YIPF1: variants seen among roughly 807,000 people sequenced by gnomAD.
The protein encoded by YIPF1 is Yip1 domain family member 1.
Under a neutral mutation model 37.0 loss-of-function variants are expected in YIPF1, and 22 were observed. The ratio of observed to expected loss-of-function variants is 0.59; its 90% CI spans 0.42 to 0.85. The LOEUF (loss-of-function observed/expected upper bound fraction) is 0.85. Ranked by LOEUF, YIPF1 falls within the 40% of genes least tolerant of loss-of-function variation. The pLI, the probability that YIPF1 is intolerant of heterozygous loss-of-function variation, is 0.00. For missense variants in YIPF1, 355 were observed against 373.1 expected, an observed-to-expected ratio of 0.95 and a Z score of 0.40; for synonymous variants, 128 against 131.9, an observed-to-expected ratio of 0.97 and a Z score of 0.21.
rs1650394013 is a variant in YIPF1 at position 53,878,475 on chromosome 1, A to T, written c.277-73T>A. ...TAAATTCAACTACTACAAAATTGAA[A>T]CTCAGTCATTAGAGCTTTTATGATA... is the stretch of plus-strand genomic sequence containing the variant. On this transcript the variant is annotated intron_variant, in intron 5 of 10. Transcript: ENST00000072644. The T allele has an allele frequency of 4.5e-6, 7 of 1,542,516 alleles. No individual in the cohort carries two copies. The South Asian group carries it at 8.0e-5, about 18-fold the overall frequency.
chr1:53,856,745 T>C (rs17109454), intron 10 of YIPF1, among the ~76,000 whole-genome samples: 20,354 of 152,184 alleles, frequency 0.13, 1,512 homozygotes, highest in South Asian at 0.25. Context: ...ATAGTTCCTA[T>C]ATGGATTGAC....
chr1:53,863,016 T>C (rs1048257793), intron 9 of YIPF1, among the ~76,000 whole-genome samples: 2 of 152,084 alleles, frequency 1.3e-5, no homozygotes, highest in African/African-American at 4.8e-5. Context: ...CCAGGCATGA[T>C]GGGCCCCTGG....
intron 7 of YIPF1, among the ~76,000 whole-genome samples, chr1:53,867,600 G>A (rs904669332): frequency 3.9e-5 from 6 of 152,000 alleles, no homozygotes; most frequent in Non-Finnish European, 8.8e-5. Flanking sequence ...TCCTGACCTC[G>A]TGATCCGCCC....
chr1:53,874,082 C>A (rs1650269706), intron 6 of YIPF1, among the ~76,000 whole-genome samples: 1 of 152,182 alleles, frequency 6.6e-6, no homozygotes, highest in African/African-American at 2.4e-5. Context: ...GCATTTTTGT[C>A]CCTCTCCTAT....
chr1:53,878,124 T>A (rs1187610728), intron 6 of YIPF1, among the ~76,000 whole-genome samples, 191 bp downstream of exon 6: 1 of 152,238 alleles, frequency 6.6e-6, no homozygotes, highest in Non-Finnish European at 1.5e-5. Flanking sequence ...CTTGTAATGA[T>A]GACGTGGCAC....
At chr1:53,887,378 C>A (rs190984735) in intron 3 of YIPF1, among the ~76,000 whole-genome samples, 3 of 152,052 alleles carry the variant, frequency 2.0e-5, no homozygotes, top group East Asian at 3.9e-4. Context: ...CTGCGCCCAG[C>A]CTGGCTTTTT....
rs570591037 is a variant in YIPF1 at position 53,871,382 on chromosome 1, T to C, written c.471A>G (p.Glu157=). The part of the protein sequence containing the change: ...LGEKTYHYVP[E]FRKVSIAATI... ...AAGCTATTCACCAACCTTTTCGGAATTCGGGCACATAATGGTACGTCTTCT... is the reference window on the plus strand; with the variant it reads ...AAGCTATTCACCAACCTTTTCGGAACTCGGGCACATAATGGTACGTCTTCT... The change falls in exon 7 of 11, where the codon GAA becomes GAG. Residue 157 remains glutamate, a synonymous_variant. Transcript: ENST00000072644. 17 of 1,613,436 alleles carry C rather than the reference T, an allele frequency of 1.1e-5. No homozygotes were observed. The highest frequency in any genetic ancestry group is 6.7e-5 in the African/African-American group (5 of 75,006).
intron 6 of YIPF1, among the ~76,000 whole-genome samples, chr1:53,871,752 G>T (rs1226259344): frequency 1.2e-4 from 19 of 152,110 alleles, no homozygotes; most frequent in Non-Finnish European, 1.8e-4. Context: ...TGAAGACACT[G>T]ATTTCTGTAT....
intron 10 of YIPF1, among the ~76,000 whole-genome samples, chr1:53,855,676 G>T (rs980476136): frequency 1.3e-5 from 2 of 152,206 alleles, no homozygotes; most frequent in African/African-American, 2.4e-5. Flanking sequence ...ACACAGGTTT[G>T]TAGCCTAGGA....
intron 6 of YIPF1, among the ~76,000 whole-genome samples, chr1:53,872,258 C>T (rs1302390142): frequency 6.6e-6 from 1 of 152,134 alleles, no homozygotes; most frequent in Non-Finnish European, 1.5e-5. Context: ...TAAGCAGTTT[C>T]TGATGAAACC....
chr1:53,881,687 A>T (rs1424524212), intron 4 of YIPF1, among the ~76,000 whole-genome samples: 2 of 152,242 alleles, frequency 1.3e-5, no homozygotes, highest in Non-Finnish European at 2.9e-5. Flanking sequence ...CAGAATGGTG[A>T]TTATTAAAAA....
chr1:53,876,603 T>C (rs907248439), intron 6 of YIPF1, among the ~76,000 whole-genome samples: 1 of 152,188 alleles, frequency 6.6e-6, no homozygotes, highest in Admixed American at 6.5e-5. Flanking sequence ...CAGTATAGCA[T>C]AGTGATGAAG....
chr1:53,881,194 C>T (rs1397651203), intron 4 of YIPF1, among the ~76,000 whole-genome samples: 3 of 137,350 alleles, frequency 2.2e-5, no homozygotes, highest in Non-Finnish European at 3.0e-5. Context: ...ACCCAGGAGG[C>T]GGAGGTTGCA....
chr1:53,871,012 CAAAA>C lies in YIPF1; in HGVS notation c.481+356_481+359del, dbSNP rs57949076. On this transcript the variant is annotated intron_variant, in intron 7 of 10. Coordinates refer to ENST00000072644, the MANE Select transcript of YIPF1 (RefSeq NM_018982.5). ...TGGGTGACAGAGCGAGTCACTGTCT[CAAAA>C]AAAAAAAAAAAAAAAAAAAAGGAAT... Among the ~76,000 whole-genome samples, 563 of 65,248 alleles carry C rather than the reference CAAAA, an allele frequency of 8.6e-3. 2 individuals are homozygous for C. Among genetic ancestry groups the C allele is most frequent in the African/African-American group, 0.032 (544 of 17,172 alleles). The allele number at this position is 65,248 out of a possible 152,430, so 42.8% of individuals were successfully genotyped here. A position where few individuals can be genotyped will look rare whatever the true frequency, so the allele number is the denominator to read the frequency against.
chr1:53,871,466 C>A lies in YIPF1; in HGVS notation c.387G>T (p.Thr129=). Reference sequence around the variant, plus strand: ...CACTAATTGCTATGGCAAAGACCAACGTGGCACATATCCAAAAGGGGCCTG... The same window carrying A: ...CACTAATTGCTATGGCAAAGACCAAAGTGGCACATATCCAAAAGGGGCCTG... The part of the protein sequence containing the change: ...DLYGPFWICA[T]LVFAIAISGN... The change falls in exon 7 of 11, where the codon ACG becomes ACT. Residue 129 remains threonine, a synonymous_variant. Transcript: ENST00000072644. The A allele has an allele frequency of 1.2e-6, 2 of 1,613,884 alleles. No individual in the cohort carries two copies. The highest frequency in any genetic ancestry group is 8.5e-7 in the Non-Finnish European group (1 of 1,179,862).
Position 53,866,225 on chromosome 1 carries a change from T to C in YIPF1, c.806A>G (p.His269Arg), listed in dbSNP as rs1452246043. Reference protein sequence around the residue: ...LATIVTIVLLHMLLSVGCLAY... With the variant: ...LATIVTIVLLRMLLSVGCLAY... ...CAAGCAGCCCACAGAAAGCAGCATA[T>C]GGAGCAACACAATTGTCACAATTGT... Residue 269 changes from histidine to arginine, a missense_variant, in exon 9 of 11, where the codon CAT (histidine) becomes CGT (arginine). Physicochemically the swap from His to Arg is conservative, Grantham distance 29 (BLOSUM62 0). Transcript: ENST00000072644. The C allele has an allele frequency of 4.3e-6, 7 of 1,614,086 alleles. No individual in the cohort carries two copies. Among genetic ancestry groups the C allele is most frequent in the African/African-American group, 2.7e-5 (2 of 75,030 alleles).
intron 10 of YIPF1, among the ~76,000 whole-genome samples, chr1:53,859,552 C>T (rs1195998313): frequency 6.6e-6 from 1 of 152,114 alleles, no homozygotes; most frequent in African/African-American, 2.4e-5. Context: ...GTAATCCCAG[C>T]TACTCAGGAG....
intron 10 of YIPF1, among the ~76,000 whole-genome samples, chr1:53,853,310 T>C (rs1557599476): frequency 6.6e-6 from 1 of 152,204 alleles, no homozygotes; most frequent in African/African-American, 2.4e-5. Flanking sequence ...TAACCTACTC[T>C]GCAGTCAGGG....
intron 9 of YIPF1, among the ~76,000 whole-genome samples, chr1:53,864,903 T>A (rs1649977389): frequency 1.3e-5 from 2 of 152,220 alleles, no homozygotes; most frequent in African/African-American, 4.8e-5. Flanking sequence ...AGAACAATCT[T>A]GTGGCAGGAA....
Sources: allele counts gnomAD v4.1 joint callset (sites outside exome capture counted in the v4.1 genomes callset), GRCh38; gene constraint gnomAD v4.1.1; transcripts MANE v1.5; gene names NCBI Gene and HGNC (gene_info 2026-07-23, HGNC 2026-07-21).